Variants in OR1L6 observed in about 807,000 individuals in gnomAD.
The protein encoded by OR1L6 is olfactory receptor 1L6.
A neutral mutation model predicts 3.0 loss-of-function variants in OR1L6; 2 were observed. The ratio of observed to expected loss-of-function variants is 0.68; its 90% CI spans 0.28 to 2.13. OR1L6 has a LOEUF of 2.13. OR1L6 is among the 30% of genes most tolerant of loss of function. The pLI is 0.14. For missense variants in OR1L6, 304 were observed against 378.4 expected (o/e 0.80, Z 1.63); for synonymous variants, 121 against 148.4 (o/e 0.82, Z 1.34).
intron 1 of OR1L6, among the ~76,000 whole-genome samples, chr9:122,748,128 A>G (rs1472599893): frequency 1.3e-5 from 2 of 152,160 alleles, no homozygotes; most frequent in Non-Finnish European, 2.9e-5. Flanking sequence ...CTTAAAATTA[A>G]AGTATCCACA....
chr9:122,745,920 T>C (rs1828832166), intron 1 of OR1L6, among the ~76,000 whole-genome samples: 1 of 152,186 alleles, frequency 6.6e-6, no homozygotes, highest in East Asian at 1.9e-4. Context: ...GTTTGTTATG[T>C]AGGTATACAT....
At chr9:122,748,875 A>G (rs531428457) in intron 1 of OR1L6, among the ~76,000 whole-genome samples, 33 of 152,308 alleles carry the variant, frequency 2.2e-4, no homozygotes, top group African/African-American at 7.7e-4. Flanking sequence ...CTCCAGTTCC[A>G]TCCATAGTGC....
chr9:122,744,379 T>G (rs757442236), intron 1 of OR1L6, among the ~76,000 whole-genome samples: 17 of 152,130 alleles, frequency 1.1e-4, no homozygotes, highest in African/African-American at 3.4e-4. Context: ...CAGTGTGTAC[T>G]CCCTGGTTTC....
Position 122,745,052 on chromosome 9 carries a change from A to C in OR1L6, c.-14+2679A>C, listed in dbSNP as rs1036320827. Among the ~76,000 whole-genome samples, 4 of 152,228 alleles carry C rather than the reference A, an allele frequency of 2.6e-5. No homozygotes were observed. In the East Asian group the frequency reaches 7.7e-4, roughly 29 times the overall value. On this transcript the variant is annotated intron_variant, in intron 1 of 1. Transcript: ENST00000304720. ...AGAGAAGGAAATGTGGAACGAACCC[A>C]AAGAGTTAAATAAGTACATTGCCTA...
At chr9:122,746,804 G>A (rs1828842291) in intron 1 of OR1L6, among the ~76,000 whole-genome samples, 1 of 152,078 alleles carries the variant, frequency 6.6e-6, no homozygotes, top group African/African-American at 2.4e-5. Flanking sequence ...CACATTTTCT[G>A]ATTATCAATT....
chr9:122,742,499 CTA>C (rs1422295972), intron 1 of OR1L6, 126 bp downstream of exon 1: 7 of 152,196 alleles, frequency 4.6e-5, no homozygotes, highest in Admixed American at 4.6e-4. Flanking sequence ...CAGTCTTTCT[CTA>C]TATTTTTTCC....
At chr9:122,749,451 G>C (rs541375175) in intron 1 of OR1L6, among the ~76,000 whole-genome samples, 20 of 152,266 alleles carry the variant, frequency 1.3e-4, no homozygotes, top group Non-Finnish European at 2.4e-4. Flanking sequence ...AATTTTAACT[G>C]TTCCCTTGTT....
chr9:122,747,619 A>G (rs1473659855), intron 1 of OR1L6, among the ~76,000 whole-genome samples: 1 of 151,914 alleles, frequency 6.6e-6, no homozygotes, highest in African/African-American at 2.4e-5. Flanking sequence ...AATCTTACTC[A>G]TTTATTTTTA....
intron 1 of OR1L6, among the ~76,000 whole-genome samples, chr9:122,745,407 C>CTTT (rs1444324351): frequency 1.5e-5 from 1 of 68,404 alleles, no homozygotes; most frequent in Non-Finnish European, 2.6e-5. Flanking sequence ...AATAAACACA[C>CTTT]CTTTTTTTTT....
chr9:122,749,752 T>C, intron 1 of OR1L6, 83 bp from the exon 2 acceptor site: 1 of 1,288,512 alleles, frequency 7.8e-7, no homozygotes, highest in Non-Finnish European at 1.1e-6. Flanking sequence ...GAGCTATTTT[T>C]ACAGGCTTAA....
intron 1 of OR1L6, among the ~76,000 whole-genome samples, chr9:122,745,046 G>A (rs942072429): frequency 2.0e-5 from 3 of 152,310 alleles, no homozygotes; most frequent in East Asian, 3.9e-4. Flanking sequence ...AATGTGGAAC[G>A]AACCCAAAGA....
chr9:122,747,907 C>T (rs1828852174), intron 1 of OR1L6, among the ~76,000 whole-genome samples: 1 of 152,008 alleles, frequency 6.6e-6, no homozygotes, highest in Admixed American at 6.6e-5. Context: ...ATAGTGGTAA[C>T]AGGAGCCATC....
At chr9:122,745,629 G>T (rs1377107823) in intron 1 of OR1L6, among the ~76,000 whole-genome samples, 1 of 151,540 alleles carries the variant, frequency 6.6e-6, no homozygotes, top group Non-Finnish European at 1.5e-5. Flanking sequence ...AGCCAGGATG[G>T]TCTTGATCTC....
At chr9:122,746,244 T>A (rs1828835919) in intron 1 of OR1L6, among the ~76,000 whole-genome samples, 1 of 152,216 alleles carries the variant, frequency 6.6e-6, no homozygotes, top group South Asian at 2.1e-4. Flanking sequence ...TCTGGTAAAT[T>A]ACTTAATTTT....
rs767161630 is a variant in OR1L6, at chr9:122,749,832, C to T, written c.-13-3C>T. 1.2e-6 allele frequency: 2 copies of T among 1,613,694 alleles called. No homozygotes were observed. The highest frequency in any genetic ancestry group is 2.7e-5 in the African/African-American group (2 of 74,922). On this transcript the variant is annotated splice_polypyrimidine_tract_variant and splice_region_variant and intron_variant, in intron 1 of 1. Transcript: ENST00000304720. ...TCCCACTGCTTCTCCAAACCCTATC[C>T]AGGAAGTCCAGAGACATGGAGATAA...
At chr9:122,749,304 C>T (rs1026764958) in intron 1 of OR1L6, among the ~76,000 whole-genome samples, 3 of 151,832 alleles carry the variant, frequency 2.0e-5, no homozygotes, top group African/African-American at 4.8e-5. Context: ...GATATTTCTA[C>T]GTTGATAGGG....
At chr9:122,742,951 C>G (rs1219818569) in intron 1 of OR1L6, among the ~76,000 whole-genome samples, 1 of 152,194 alleles carries the variant, frequency 6.6e-6, no homozygotes, top group East Asian at 1.9e-4. Context: ...AGCTCCTTGT[C>G]TCTAGAATCA....
At position 122,749,847 on chromosome 9, in the gene OR1L6, C is replaced by T. The variant is rs1348138899; in HGVS notation, c.-1C>T. ...AAACCCTATCCAGGAAGTCCAGAGA[C>T]ATGGAGATAAAGAACTACAGCAGCA... On this transcript the variant is annotated 5_prime_UTR_variant, in exon 2 of 2. Coordinates refer to ENST00000304720, the MANE Select transcript of OR1L6 (RefSeq NM_001004453.3). 12 of 1,614,050 alleles carry T rather than the reference C, an allele frequency of 7.4e-6. No individual in the cohort carries two copies. The highest frequency in any genetic ancestry group is 1.1e-5 in the South Asian group (1 of 91,080).
intron 1 of OR1L6, among the ~76,000 whole-genome samples, chr9:122,749,488 G>T (rs958902422): frequency 6.6e-6 from 1 of 152,038 alleles, no homozygotes; most frequent in Admixed American, 6.5e-5. Flanking sequence ...TTTCTCCATG[G>T]TTTCTTAAAG....
Sources: allele counts gnomAD v4.1 joint callset (sites outside exome capture counted in the v4.1 genomes callset), GRCh38; gene constraint gnomAD v4.1.1; transcripts MANE v1.5; gene names NCBI Gene and HGNC (gene_info 2026-07-23, HGNC 2026-07-21).